The following IFIH1 variants were observed in gnomAD, a reference collection of about 807,000 sequenced individuals.
IFIH1 encodes interferon induced with helicase C domain 1, also known as interferon-induced helicase C domain-containing protein 1.
In IFIH1, 125 loss-of-function variants were observed where a neutral mutation model predicts 107.4. The ratio of observed to expected loss-of-function variants is 1.16; its 90% CI spans 1.01 to 1.35. IFIH1 has a LOEUF of 1.35. IFIH1 is among the 40% of genes most tolerant of loss of function. The pLI, the probability that IFIH1 is intolerant of heterozygous loss-of-function variation, is 0.00. For missense variants in IFIH1, 1,333 were observed against 1,213.7 expected, an observed-to-expected ratio of 1.10 and a Z score of -1.46; for synonymous variants, 458 against 413.2, an observed-to-expected ratio of 1.11 and a Z score of -1.31.
At chr2:162,310,695 T>C in intron 2 of IFIH1, 70 bp downstream of exon 2, 1 of 1,325,484 alleles carries the variant, frequency 7.5e-7, no homozygotes, top group Non-Finnish European at 1.1e-6. Flanking sequence ...GCATTGTGTC[T>C]TTCTGCTTTA....
Position 162,273,866 on chromosome 2 carries a change from C to T in IFIH1, c.2383G>A (p.Gly795Ser), listed in dbSNP as rs141366758. The change falls in exon 12 of 16, where the codon GGT (glycine) becomes AGT (serine). Residue 795 changes from glycine to serine, a missense_variant. By Grantham distance (56) the Gly-to-Ser change is moderately conservative. Coordinates refer to ENST00000649979, the MANE Select transcript of IFIH1 (RefSeq NM_022168.4). ...ATGTTACATTCTTTAATATCCAGAC[C>T]TTCTTCTGCCACTGTGGTAGCGATA... The part of the protein sequence containing the change: ...LLIATTVAEE[G>S]LDIKECNIVI... The T allele has an allele frequency of 3.8e-5, 62 of 1,610,714 alleles. No individual in the cohort carries two copies. Among genetic ancestry groups the T allele is most frequent in the Non-Finnish European group, 4.9e-5 (58 of 1,177,556 alleles).
In IFIH1 at chr2:162,314,416, T is replaced by TTTCTTTCTTTCC. The variant is rs71009355; in HGVS notation, c.453+3438_453+3439insGGAAAGAAAGAA. Among the ~76,000 whole-genome samples the TTTCTTTCTTTCC allele has an allele frequency of 1.2e-4, 6 of 51,468 alleles. No individual in the cohort carries two copies. The East Asian group carries it at 2.4e-3, about 20-fold the overall frequency. The allele number at this position is 51,468 out of a possible 152,430, so 33.8% of individuals were successfully genotyped here. On this transcript the variant is annotated intron_variant, in intron 1 of 15. Coordinates refer to ENST00000649979, the MANE Select transcript of IFIH1 (RefSeq NM_022168.4). ...CCTCCCTCCTTTCTTTCTTTCTTTC[T>TTTCTTTCTTTCC]TTTCTTTCTTTCTTTCTTTCTTTCT...
At chr2:162,297,492 A>G (rs1683113476) in intron 3 of IFIH1, among the ~76,000 whole-genome samples, 1 of 152,156 alleles carries the variant, frequency 6.6e-6, no homozygotes, top group South Asian at 2.1e-4. Context: ...AAATATATAG[A>G]GAGAGATAGT....
At position 162,293,815 on chromosome 2, in the gene IFIH1, T is replaced by A. The variant is rs916763202; in HGVS notation, c.770-147A>T. The A allele has an allele frequency of 9.2e-6, 5 of 541,344 alleles. No homozygotes were observed. The African/African-American group carries it at 9.5e-5, about 10-fold the overall frequency. The allele number at this position is 541,344 out of a possible 1,614,324, so 33.5% of individuals were successfully genotyped here. A position where few individuals can be genotyped will look rare whatever the true frequency, so the allele number is the denominator to read the frequency against. ...ACAATTATGAATAAAAGGTAAGCGC[T>A]TCTGGCAGGCTACATTAAGAAAAAT... On this transcript the variant is annotated intron_variant, in intron 3 of 15. Transcript: ENST00000649979.
chr2:162,310,902 G>T lies in IFIH1; in HGVS notation c.485C>A (p.Ser162Ter), dbSNP rs1455983191. Residue 162 changes from serine (S) to a stop codon, truncating the protein, a stop_gained, in exon 2 of 16, where the codon TCA (serine) becomes TAA (stop). Coordinates refer to ENST00000649979, the MANE Select transcript of IFIH1 (RefSeq NM_022168.4). LOFTEE classifies it high-confidence loss of function. Reference sequence around the variant, plus strand: ...CCTTTTTAGTAGCTCTCTTACACCTGATTCATTTCCATTGTTTTCTGCAGC... The same window carrying T: ...CCTTTTTAGTAGCTCTCTTACACCTTATTCATTTCCATTGTTTTCTGCAGC... ...IAAAENNGNE[S>*]GVRELLKRIV... 1.2e-6 allele frequency: 2 copies of T among 1,613,092 alleles called. No homozygotes were observed. Among genetic ancestry groups the T allele is most frequent in the African/African-American group, 2.7e-5 (2 of 74,882 alleles).
intron 3 of IFIH1, among the ~76,000 whole-genome samples, chr2:162,297,602 A>G (rs1452296798): frequency 2.6e-5 from 4 of 152,148 alleles, no homozygotes; most frequent in Admixed American, 6.6e-5. Context: ...AAGGGCTTTG[A>G]ATATTGAAGT....
chr2:162,317,524 C>A (rs536306619), intron 1 of IFIH1, among the ~76,000 whole-genome samples: 5 of 152,248 alleles, frequency 3.3e-5, no homozygotes, highest in Admixed American at 2.6e-4. Flanking sequence ...ACATTAGGAG[C>A]CTCAGTGGGT....
intron 3 of IFIH1, among the ~76,000 whole-genome samples, chr2:162,302,531 C>T (rs1051456356): frequency 1.3e-5 from 2 of 152,118 alleles, no homozygotes; most frequent in East Asian, 3.9e-4. Context: ...CAAAACTACA[C>T]AAATGCATAT....
Position 162,273,928 on chromosome 2 carries a change from A to T in IFIH1, c.2321T>A (p.Val774Asp), listed in dbSNP as rs1246892209. 3 of 1,603,184 alleles carry T rather than the reference A, an allele frequency of 1.9e-6. No homozygotes were observed. In the Admixed American group the frequency reaches 5.1e-5, roughly 27 times the overall value. Residue 774 changes from valine (V) to aspartate (D), a missense_variant, in exon 12 of 16, where the codon GTC (valine) becomes GAC (aspartate). Coordinates refer to ENST00000649979, the MANE Select transcript of IFIH1 (RefSeq NM_022168.4). ...TTTTCCAGTGCGAAATTTACTAATG[A>T]CTTCTTTTTGTTCATTCTGTAGAAA... ...KPMTQNEQKE[V>D]ISKFRTGKIN...
intron 3 of IFIH1, among the ~76,000 whole-genome samples, chr2:162,303,001 A>G (rs1683218050): frequency 6.6e-6 from 1 of 152,206 alleles, no homozygotes; most frequent in African/African-American, 2.4e-5. Flanking sequence ...AGACTATTAT[A>G]TATTTTAATA....
rs1189058038 is a variant in IFIH1, at chr2:162,278,206, T to C, written c.1764A>G (p.Lys588=). The C allele has an allele frequency of 6.3e-7, 1 of 1,591,380 alleles. No individual in the cohort carries two copies. The highest frequency in any genetic ancestry group is 8.6e-7 in the Non-Finnish European group (1 of 1,169,498). The change falls in exon 9 of 16, where the codon AAA becomes AAG. Residue 588 remains lysine (K), a splice_region_variant and synonymous_variant. Transcript: ENST00000649979. ...YEQWAIQMEK[K]AAKEGNRKER... ...GTGTTAGGTCCAAACCTAAATTACCTTTTTTTTCCATTTGAATGGCCCATT... is the reference window on the plus strand; with the variant it reads ...GTGTTAGGTCCAAACCTAAATTACCCTTTTTTTCCATTTGAATGGCCCATT...
intron 3 of IFIH1, among the ~76,000 whole-genome samples, chr2:162,303,109 G>A (rs78290089): frequency 3.2e-4 from 49 of 152,080 alleles, no homozygotes; most frequent in Non-Finnish European, 6.6e-4. Flanking sequence ...CATGGGGGCT[G>A]AAGTCATTTC....
chr2:162,290,157 C>T (rs540048085), intron 4 of IFIH1, among the ~76,000 whole-genome samples: 1 of 151,770 alleles, frequency 6.6e-6, no homozygotes, highest in South Asian at 2.1e-4. Context: ...GGAATAAATC[C>T]TCTTTGTTTA....
rs1376985243 is a variant in IFIH1 at position 162,267,395 on chromosome 2, G to C, written c.2899-16C>G. 1.9e-6 allele frequency: 3 copies of C among 1,613,896 alleles called. 1 individual carries two copies. In the South Asian group the frequency reaches 3.3e-5, roughly 18 times the overall value. On this transcript the variant is annotated splice_polypyrimidine_tract_variant and intron_variant, in intron 15 of 15. Transcript: ENST00000649979. ...TTCCCCAAGCCTGGAAAACAAAAGA[G>C]AGAGCAAGAGGAAAATTAAATGTAC... is the stretch of plus-strand genomic sequence containing the variant.
chr2:162,302,793 C>T (rs1683215127), intron 3 of IFIH1, among the ~76,000 whole-genome samples: 1 of 152,160 alleles, frequency 6.6e-6, no homozygotes, highest in African/African-American at 2.4e-5. Flanking sequence ...AGCAAACACA[C>T]TACATTTTCA....
intron 3 of IFIH1, among the ~76,000 whole-genome samples, chr2:162,304,079 A>C (rs1683237563): frequency 6.6e-6 from 1 of 152,154 alleles, no homozygotes; most frequent in South Asian, 2.1e-4. Flanking sequence ...CAAATGAAAA[A>C]CAACAACAAC....
rs1682743834 is a variant in IFIH1 at position 162,278,328 on chromosome 2, C to G, written c.1642G>C (p.Asp548His). The G allele has an allele frequency of 7.6e-7, 1 of 1,323,664 alleles. No individual in the cohort carries two copies. The highest frequency in any genetic ancestry group is 2.3e-5 in the East Asian group (1 of 42,780). The allele number at this position is 1,323,664 out of a possible 1,614,324, so 82.0% of individuals were successfully genotyped here. The part of the protein sequence containing the change: ...KFAIADATRE[D>H]PFKEKLLEIM... The stretch of plus-strand genomic sequence containing the variant: ...TCTAGAAGTTTCTCTTTAAATGGAT[C>G]CTAAAAATAAAGTACACACTTATTC... Residue 548 changes from aspartate to histidine, a missense_variant and splice_region_variant, in exon 9 of 16, where the codon GAT becomes CAT. Asp to His is a moderately conservative substitution (Grantham distance 81). Transcript: ENST00000649979.
At chr2:162,269,466 CA>C (rs1451126273) in intron 13 of IFIH1, among the ~76,000 whole-genome samples, 1 of 152,196 alleles carries the variant, frequency 6.6e-6, no homozygotes, top group African/African-American at 2.4e-5. Flanking sequence ...ATATGCCCAT[CA>C]ACCTCTTTAT....
chr2:162,282,761 A>G (rs536126297), intron 5 of IFIH1, among the ~76,000 whole-genome samples, 185 bp from the exon 6 acceptor site: 35 of 152,086 alleles, frequency 2.3e-4, no homozygotes, highest in African/African-American at 7.0e-4. Context: ...TACCCTTGTT[A>G]GGTGTGGGCA....
Sources: allele counts gnomAD v4.1 joint callset (sites outside exome capture counted in the v4.1 genomes callset), GRCh38; gene constraint gnomAD v4.1.1; transcripts MANE v1.5; gene names NCBI Gene and HGNC (gene_info 2026-07-23, HGNC 2026-07-21).